Variants in SEC14L5 observed in about 807,000 individuals in gnomAD.
The protein encoded by SEC14L5 is SEC14-like protein 5.
SEC14L5 carries 96 observed loss-of-function variants against 84.6 expected under a neutral mutation model. The ratio of observed to expected loss-of-function variants is 1.13; its 90% confidence interval spans 0.96 to 1.34. The LOEUF (loss-of-function observed/expected upper bound fraction) is 1.34, where lower values mean the gene tolerates loss of function less well. Among genes scored for constraint, SEC14L5 ranks in the 40% most tolerant of loss-of-function variants. The pLI, the probability that SEC14L5 is intolerant of heterozygous loss-of-function variation, is 0.00. For missense variants in SEC14L5, 1,224 were observed against 942.5 expected, an observed-to-expected ratio of 1.30 and a Z score of -3.91; for synonymous variants, 546 against 383.4, an observed-to-expected ratio of 1.42 and a Z score of -4.95.
chr16:4,971,179 A>G (rs73527310), intron 2 of SEC14L5, among the ~76,000 whole-genome samples: 63,952 of 151,850 alleles, frequency 0.42, 14,096 homozygotes, highest in Non-Finnish European at 0.49. Context: ...AAAACTGGCC[A>G]GGGGCGGTGG....
chr16:4,996,554 T>C (rs1424243440), intron 7 of SEC14L5, 94 bp downstream of exon 7: 5 of 676,524 alleles, frequency 7.4e-6, no homozygotes, highest in Non-Finnish European at 1.3e-5. Flanking sequence ...ATGATAATGC[T>C]GACACATTAT....
At position 5,000,638 on chromosome 16, in the gene SEC14L5, T is replaced by TGGCCCCATCCACAAAGATGGC. The variant is rs1339680728; in HGVS notation, c.971-16_975dup. 4 of 1,543,936 alleles carry TGGCCCCATCCACAAAGATGGC rather than the reference T, an allele frequency of 2.6e-6. No homozygotes were observed. The highest frequency in any genetic ancestry group is 3.5e-6 in the Non-Finnish European group (4 of 1,140,714). On this transcript the variant is annotated splice_polypyrimidine_tract_variant and intron_variant, in intron 8 of 15. Coordinates refer to ENST00000251170, the MANE Select transcript of SEC14L5 (RefSeq NM_014692.2). ...TAAATAACGGGCTCTTCTTTCTGCTTGGCCCCATCCACAAAGATGGCCGCC... is the reference window on the plus strand; with the variant it reads ...TAAATAACGGGCTCTTCTTTCTGCTTGGCCCCATCCACAAAGATGGCGGCCCCATCCACAAAGATGGCCGCC...
intron 12 of SEC14L5, 123 bp downstream of exon 12, chr16:5,006,171 G>GC: frequency 1.0e-6 from 1 of 964,954 alleles, no homozygotes. Flanking sequence ...TGTGCACTCT[G>GC]CCTAGGGCAG....
intron 6 of SEC14L5, among the ~76,000 whole-genome samples, chr16:4,993,955 T>G (rs1296858254): frequency 7.4e-6 from 1 of 135,524 alleles, no homozygotes; most frequent in Non-Finnish European, 1.5e-5. Context: ...TCATGTTTAG[T>G]GACTGTTTTC....
intron 1 of SEC14L5, among the ~76,000 whole-genome samples, 182 bp downstream of exon 1, chr16:4,958,627 C>T (rs1955082505): frequency 6.6e-6 from 1 of 152,110 alleles, no homozygotes; most frequent in South Asian, 2.1e-4. Flanking sequence ...CGTGTGTGTG[C>T]ATGTGCGCAC....
At position 5,016,289 on chromosome 16, in the gene SEC14L5, A is replaced by G. The variant is rs1596650749; in HGVS notation, c.*1319A>G. The stretch of plus-strand genomic sequence containing the variant: ...GGACATTTCTCCTTTCCTTTCCTGG[A>G]CTCCCCAAAAGGCAGCCAGTCAGGG... On this transcript the variant is annotated 3_prime_UTR_variant, in exon 16 of 16. Transcript: ENST00000251170. The G allele has an allele frequency of 6.6e-6, 1 of 151,510 alleles. No individual in the cohort carries two copies. Among genetic ancestry groups the G allele is most frequent in the African/African-American group, 2.4e-5 (1 of 41,170 alleles). The allele number at this position is 151,510 out of a possible 1,614,324, so 9.4% of individuals were successfully genotyped here.
At chr16:4,985,081 A>T (rs1374191039) in intron 2 of SEC14L5, among the ~76,000 whole-genome samples, 1 of 152,034 alleles carries the variant, frequency 6.6e-6, no homozygotes, top group African/African-American at 2.4e-5. Flanking sequence ...TATCCAGTTT[A>T]TTTTTTCTTT....
rs1955163871 is a variant in SEC14L5 at position 4,964,118 on chromosome 16, A to G, written c.63+4732A>G. On this transcript the variant is annotated intron_variant, in intron 2 of 15. Transcript: ENST00000251170. The stretch of plus-strand genomic sequence containing the variant: ...TATCCAGTGTTGGAGAGGGTCCGTC[A>G]GTCCTTTGAATGCCCGGGTCCCAGA... Among the ~76,000 whole-genome samples the G allele has an allele frequency of 2.0e-5, 3 of 152,230 alleles. No individual in the cohort carries two copies. The South Asian group carries it at 6.2e-4, about 31-fold the overall frequency.
chr16:4,968,186 A>AT (rs1162935477), intron 2 of SEC14L5, among the ~76,000 whole-genome samples: 5 of 146,182 alleles, frequency 3.4e-5, no homozygotes, highest in Non-Finnish European at 7.6e-5. Flanking sequence ...CGCCTGGCTA[A>AT]TTTTTTTTTT....
chr16:4,960,416 ACCCCAGCCTTCTATC>A (rs1309930851), intron 2 of SEC14L5: 3 of 151,488 alleles, frequency 2.0e-5, no homozygotes, highest in East Asian at 3.9e-4. Context: ...TGACTGCTTA[ACCCCAGCCTTCTATC>A]CAGGGACTTT....
intron 15 of SEC14L5, 67 bp from the exon 16 acceptor site, chr16:5,014,792 G>C: frequency 8.0e-7 from 1 of 1,247,936 alleles, no homozygotes; most frequent in South Asian, 1.3e-5. Flanking sequence ...CTTTTCCACT[G>C]CTGTGTGTCA....
At chr16:4,981,437 C>T (rs934040399) in intron 2 of SEC14L5, among the ~76,000 whole-genome samples, 2 of 151,882 alleles carry the variant, frequency 1.3e-5, no homozygotes, top group Admixed American at 6.6e-5. Context: ...CTGTGTATAT[C>T]CTCCCCCGAA....
At chr16:4,972,764 T>A (rs1262016284) in intron 2 of SEC14L5, among the ~76,000 whole-genome samples, 1 of 152,244 alleles carries the variant, frequency 6.6e-6, no homozygotes, top group Non-Finnish European at 1.5e-5. Flanking sequence ...GTTTTCCCCC[T>A]TTTGATCATT....
chr16:4,976,144 C>T (rs1212553276), intron 2 of SEC14L5, among the ~76,000 whole-genome samples: 2 of 152,204 alleles, frequency 1.3e-5, no homozygotes, highest in African/African-American at 2.4e-5. Flanking sequence ...ATGTGCCAGG[C>T]ACTGCTCTAA....
Position 5,002,761 on chromosome 16 carries a change from G to C in SEC14L5, c.1131-641G>C, listed in dbSNP as rs144523912. 1.1e-3 allele frequency among the ~76,000 whole-genome samples: 174 copies of C among 152,316 alleles called. 4 individuals are homozygous for C. The highest frequency in any genetic ancestry group is 9.8e-3 in the Admixed American group (150 of 15,300). On this transcript the variant is annotated intron_variant, in intron 10 of 15. Coordinates refer to ENST00000251170, the MANE Select transcript of SEC14L5 (RefSeq NM_014692.2). ...TACTAATGAAATGGAGGCACAGAGA[G>C]GTTCAGGACTTGACCAAGATCACAC...
In SEC14L5 at chr16:4,998,003, C is replaced by CCTTTTTTTTTT. The variant is rs1555530444; in HGVS notation, c.970+959_970+960insCTTTTTTTTTT. On this transcript the variant is annotated intron_variant, in intron 8 of 15. Transcript: ENST00000251170. ...AATTACACCTGCACAGACTCTAGTT[C>CCTTTTTTTTTT]TTTTTTTTTTTTTTTTTTGAGACAG... Among the ~76,000 whole-genome samples, 5 of 77,896 alleles carry CCTTTTTTTTTT rather than the reference C, an allele frequency of 6.4e-5. 2 individuals carry two copies. Among genetic ancestry groups the CCTTTTTTTTTT allele is most frequent in the African/African-American group, 1.0e-4 (2 of 19,360 alleles). The allele number at this position is 77,896 out of a possible 152,430, so 51.1% of individuals were successfully genotyped here.
At chr16:4,971,118 T>A (rs936516239) in intron 2 of SEC14L5, among the ~76,000 whole-genome samples, 2 of 141,548 alleles carry the variant, frequency 1.4e-5, no homozygotes, top group Non-Finnish European at 3.0e-5. Flanking sequence ...AAGAACTAGC[T>A]GACTTTGGTC....
intron 15 of SEC14L5, among the ~76,000 whole-genome samples, chr16:5,011,651 C>T (rs1193810371): frequency 1.3e-5 from 2 of 152,150 alleles, no homozygotes; most frequent in African/African-American, 4.8e-5. Flanking sequence ...ACAACCCTCC[C>T]CAAGTTGTTG....
chr16:5,013,500 C>T (rs1955831739), intron 15 of SEC14L5, among the ~76,000 whole-genome samples: 2 of 151,468 alleles, frequency 1.3e-5, no homozygotes, highest in Admixed American at 6.6e-5. Context: ...AATCCTCCAA[C>T]CTCAGCTTCC....
Sources: gnomAD v4.1 joint callset for allele counts (sites outside exome capture counted in the v4.1 genomes callset) on GRCh38, gnomAD v4.1.1 for gene constraint, MANE v1.5 for transcripts, NCBI Gene and HGNC (gene_info 2026-07-23, HGNC 2026-07-21) for gene names.